CNTN5: variants seen among roughly 807,000 people sequenced by gnomAD.
The protein encoded by CNTN5 is contactin 5, also known as contactin-5.
A neutral mutation model predicts 129.1 loss-of-function variants in CNTN5; 77 were observed. The observed-to-expected ratio is 0.60, with a 90% CI of 0.50 to 0.72. The LOEUF is 0.72. Among genes scored for constraint, CNTN5 ranks in the 30% least tolerant of loss-of-function variants. CNTN5 has a pLI of 0.00. For missense variants in CNTN5, 1,478 were observed against 1,328.8 expected, an observed-to-expected ratio of 1.11 and a Z score of -1.75; for synonymous variants, 509 against 465.6, an observed-to-expected ratio of 1.09 and a Z score of -1.20.
chr11:99,453,563 T>C (rs1944387346), intron 2 of CNTN5, among the ~76,000 whole-genome samples: 2 of 152,164 alleles, frequency 1.3e-5, no homozygotes, highest in African/African-American at 2.4e-5. Flanking sequence ...AGTAACCAAA[T>C]GCAATTATAG....
chr11:100,041,876 G>A (rs1942398033), intron 9 of CNTN5, among the ~76,000 whole-genome samples: 1 of 152,122 alleles, frequency 6.6e-6, no homozygotes, highest in African/African-American at 2.4e-5. Flanking sequence ...ACCACATGAA[G>A]TCCTAAGCAG....
chr11:99,252,728 T>C (rs1862175530), intron 1 of CNTN5, among the ~76,000 whole-genome samples: 1 of 152,054 alleles, frequency 6.6e-6, no homozygotes, highest in Non-Finnish European at 1.5e-5. Flanking sequence ...ATTTTGATTC[T>C]TTATATTTTT....
chr11:99,788,990 T>G (rs987570231), intron 3 of CNTN5, among the ~76,000 whole-genome samples: 2 of 151,832 alleles, frequency 1.3e-5, no homozygotes, highest in Non-Finnish European at 2.9e-5. Flanking sequence ...TTTCTAAACC[T>G]TTTATTAAAA....
At chr11:100,075,064 A>G (rs1198431156) in intron 13 of CNTN5, among the ~76,000 whole-genome samples, 2 of 152,184 alleles carry the variant, frequency 1.3e-5, no homozygotes, top group African/African-American at 2.4e-5. Context: ...ATTGATCTAG[A>G]AGTATAAGGA....
intron 3 of CNTN5, among the ~76,000 whole-genome samples, chr11:99,745,543 T>C (rs2015633): frequency 0.64 from 98,059 of 152,098 alleles, 32,791 homozygotes; most frequent in Middle Eastern, 0.79. Context: ...TCATTTTATG[T>C]AAGCTTCTTT....
rs143530570 is a variant in CNTN5 at position 99,918,332 on chromosome 11, C to T, written c.673+2183C>T. Among the ~76,000 whole-genome samples, 131 of 152,148 alleles carry T rather than the reference C, an allele frequency of 8.6e-4. 3 individuals are homozygous for T. The East Asian group carries it at 0.025, about 29-fold the overall frequency. ...GTTTAATATTACTGTTAAACAATCC[C>T]AAAAACCAAAGCACACATACAAAAC... On this transcript the variant is annotated intron_variant, in intron 7 of 24. Transcript: ENST00000524871.
At chr11:99,685,625 T>G (rs1953757517) in intron 3 of CNTN5, among the ~76,000 whole-genome samples, 2 of 152,030 alleles carry the variant, frequency 1.3e-5, no homozygotes, top group Non-Finnish European at 2.9e-5. Context: ...CTTGCTTACT[T>G]GAAGTCTTGT....
chr11:99,625,880 A>G (rs1951109297), intron 3 of CNTN5, among the ~76,000 whole-genome samples: 1 of 150,778 alleles, frequency 6.6e-6, no homozygotes, highest in African/African-American at 2.4e-5. Context: ...AAGTCTCATG[A>G]GCTCATGATA....
At position 99,538,052 on chromosome 11, in the gene CNTN5, T is replaced by C. The variant is rs545800926; in HGVS notation, c.-70-18093T>C. ...CTGAGTAGAAATAGTTAGAGATTAT[T>C]ATTTGGTAAATTCTCACACCAGTCT... On this transcript the variant is annotated intron_variant, in intron 2 of 24. Coordinates refer to ENST00000524871, the MANE Select transcript of CNTN5 (RefSeq NM_014361.4). Among the ~76,000 whole-genome samples, 11 of 152,304 alleles carry C rather than the reference T, an allele frequency of 7.2e-5. No homozygotes were observed. In the South Asian group the frequency reaches 2.3e-3, roughly 32 times the overall value.
At chr11:99,781,423 A>C (rs1034957442) in intron 3 of CNTN5, among the ~76,000 whole-genome samples, 11 of 152,124 alleles carry the variant, frequency 7.2e-5, no homozygotes, top group African/African-American at 2.7e-4. Context: ...CTTCTTAAGA[A>C]TGAGAAGTGG....
intron 13 of CNTN5, among the ~76,000 whole-genome samples, chr11:100,114,588 G>T (rs945089188): frequency 1.3e-5 from 2 of 152,106 alleles, no homozygotes. Context: ...AGTGTAGTGT[G>T]TTAAAAGTTC....
At chr11:99,725,343 TAGAG>T (rs146307637) in intron 3 of CNTN5, among the ~76,000 whole-genome samples, 143 of 152,218 alleles carry the variant, frequency 9.4e-4, no homozygotes, top group Middle Eastern at 3.4e-3. Flanking sequence ...AAAACTATGA[TAGAG>T]AGCGATTTTC....
intron 1 of CNTN5, among the ~76,000 whole-genome samples, chr11:99,270,358 C>A (rs1863115700): frequency 6.6e-6 from 1 of 151,606 alleles, no homozygotes; most frequent in South Asian, 2.1e-4. Flanking sequence ...GCAAAACATC[C>A]CTGTCGTTAT....
chr11:99,619,621 C>A (rs1458402033), intron 3 of CNTN5, among the ~76,000 whole-genome samples: 1 of 151,986 alleles, frequency 6.6e-6, no homozygotes, highest in East Asian at 1.9e-4. Context: ...AAAAAATAAA[C>A]TATAATTTTG....
intron 2 of CNTN5, among the ~76,000 whole-genome samples, chr11:99,371,703 G>T (rs544014447): frequency 2.0e-5 from 3 of 152,130 alleles, no homozygotes; most frequent in Non-Finnish European, 2.9e-5. Flanking sequence ...GTTTCACCTT[G>T]AGTAATTTTT....
chr11:99,787,694 G>T (rs538559529), intron 3 of CNTN5, among the ~76,000 whole-genome samples: 1 of 152,036 alleles, frequency 6.6e-6, no homozygotes, highest in African/African-American at 2.4e-5. Context: ...TATGAGTCAA[G>T]ATGACATAAA....
At chr11:99,446,137 C>T (rs1182165548) in intron 2 of CNTN5, among the ~76,000 whole-genome samples, 1 of 150,780 alleles carries the variant, frequency 6.6e-6, no homozygotes, top group Non-Finnish European at 1.5e-5. Context: ...AATCCTCATC[C>T]TCATGTTCTT....
intron 1 of CNTN5, among the ~76,000 whole-genome samples, chr11:99,044,132 T>G (rs942633248): frequency 1.3e-5 from 2 of 152,198 alleles, no homozygotes; most frequent in Non-Finnish European, 2.9e-5. Context: ...TATGAGATAT[T>G]GCACATAAAA....
intron 2 of CNTN5, among the ~76,000 whole-genome samples, chr11:99,555,386 C>A (rs1448408491): frequency 6.6e-6 from 1 of 151,894 alleles, no homozygotes; most frequent in African/African-American, 2.4e-5. Context: ...ATATATTTGT[C>A]AAGTTCTTGC....
Sources: gnomAD v4.1 joint callset for allele counts (sites outside exome capture counted in the v4.1 genomes callset) on GRCh38, gnomAD v4.1.1 for gene constraint, MANE v1.5 for transcripts, NCBI Gene and HGNC (gene_info 2026-07-23, HGNC 2026-07-21) for gene names.